Variants in APTX observed in about 807,000 individuals in gnomAD.
The protein encoded by APTX is forkhead-associated domain histidine triad-like protein.
Under a neutral mutation model 42.3 loss-of-function variants are expected in APTX, and 33 were observed. The observed-to-expected ratio is 0.78, with a 90% CI of 0.59 to 1.04. The LOEUF (loss-of-function observed/expected upper bound fraction) is 1.04, where lower values mean the gene tolerates loss of function less well. Ranked by LOEUF, APTX falls within the 50% of genes least tolerant of loss-of-function variation. The pLI, the probability that APTX is intolerant of heterozygous loss-of-function variation, is 0.00. For missense variants in APTX, 421 were observed against 415.1 expected (o/e 1.01, Z -0.12); for synonymous variants, 130 against 146.7 (o/e 0.89, Z 0.82).
At chr9:32,987,985 C>G in intron 3 of APTX, 98 bp downstream of exon 3, 3 of 1,511,010 alleles carry the variant, frequency 2.0e-6, no homozygotes, top group Non-Finnish European at 1.8e-6. Context: ...CACTTCCATA[C>G]ATGACAGAGA....
At chr9:33,001,933 C>T (rs567787124), upstream of APTX, among the ~76,000 whole-genome samples, 27 of 152,190 alleles carry the variant, frequency 1.8e-4, no homozygotes, top group Non-Finnish European at 3.8e-4. Context: ...TCTCGATACT[C>T]CATAAGGAGA....
At position 32,977,843 on chromosome 9, in the gene APTX, G is replaced by GA. The variant is rs796569258; in HGVS notation, c.771-3283dup. On this transcript the variant is annotated intron_variant, in intron 6 of 7. Coordinates refer to ENST00000379817, the MANE Select transcript of APTX (RefSeq NM_001195248.2). ...GAGACTCTGTCTCAAAAAAGAAAAA[G>GA]AAAAAAAAAACGGAAACAGATACCA... Among the ~76,000 whole-genome samples the GA allele has an allele frequency of 7.0e-3, 1,000 of 142,070 alleles. 8 individuals carry two copies. Among genetic ancestry groups the GA allele is most frequent in the African/African-American group, 0.023 (908 of 38,798 alleles). The allele number at this position is 142,070 out of a possible 152,430, so 93.2% of individuals were successfully genotyped here.
At chr9:32,990,849 T>C (rs1423241813) in intron 1 of APTX, among the ~76,000 whole-genome samples, 1 of 152,220 alleles carries the variant, frequency 6.6e-6, no homozygotes. Context: ...TGTCATGACA[T>C]ACTGATGTTA....
chr9:33,021,475 G>C (rs1838378394), intron 1 of APTX, among the ~76,000 whole-genome samples: 1 of 152,106 alleles, frequency 6.6e-6, no homozygotes, highest in Non-Finnish European at 1.5e-5. Context: ...ATTCTAAAAA[G>C]CAAGAACAAT....
intron 1 of APTX, among the ~76,000 whole-genome samples, chr9:33,018,571 A>G (rs986496432): frequency 4.5e-4 from 6 of 13,482 alleles, no homozygotes; most frequent in African/African-American, 8.2e-4. Flanking sequence ...TTCGTCTCAG[A>G]AAAAAAAAAA....
rs757024846 is a variant in APTX at position 32,974,581 on chromosome 9, A to C, written c.771-20T>G. On this transcript the variant is annotated intron_variant, in intron 6 of 7. Transcript: ENST00000379817. ...ACATGGCTAGTTGAAAGAAAAAAAA[A>C]CTGAGCATTAAACTCTTTAACAACT... 1 of 1,436,850 alleles carries C rather than the reference A, an allele frequency of 7.0e-7. No individual in the cohort carries two copies. The allele number at this position is 1,436,850 out of a possible 1,614,324, so 89.0% of individuals were successfully genotyped here. A position where few individuals can be genotyped will look rare whatever the true frequency, so the allele number is the denominator to read the frequency against.
upstream of APTX, among the ~76,000 whole-genome samples, chr9:33,006,420 T>C (rs934847279): frequency 6.6e-6 from 1 of 152,168 alleles, no homozygotes; most frequent in Non-Finnish European, 1.5e-5. Context: ...CTCACTTATA[T>C]AACCTGTCTG....
chr9:33,017,268 T>C (rs1026690145), intron 1 of APTX, among the ~76,000 whole-genome samples: 3 of 152,254 alleles, frequency 2.0e-5, no homozygotes, highest in Non-Finnish European at 2.9e-5. Flanking sequence ...AGACTGGCTA[T>C]GAATCGGGGT....
intron 1 of APTX, among the ~76,000 whole-genome samples, chr9:33,008,041 ACTC>A (rs1264539633): frequency 6.6e-6 from 1 of 151,544 alleles, no homozygotes; most frequent in African/African-American, 2.4e-5. Flanking sequence ...AACCTAATGC[ACTC>A]CTCCTATTTT....
intron 6 of APTX, among the ~76,000 whole-genome samples, chr9:32,983,041 C>G (rs975631370): frequency 6.6e-6 from 1 of 151,922 alleles, no homozygotes; most frequent in Non-Finnish European, 1.5e-5. Flanking sequence ...ACCTCCTGGG[C>G]TCAAGTGATC....
chr9:33,013,607 C>T (rs1402147140), intron 1 of APTX, among the ~76,000 whole-genome samples: 1 of 152,144 alleles, frequency 6.6e-6, no homozygotes, highest in Non-Finnish European at 1.5e-5. Flanking sequence ...GAGATCGAGA[C>T]CATCCTGGCT....
Position 32,972,907 on chromosome 9 carries a change from T to C in APTX, c.*591A>G. On this transcript the variant is annotated 3_prime_UTR_variant, in exon 8 of 8. Coordinates refer to ENST00000379817, the MANE Select transcript of APTX (RefSeq NM_001195248.2). ...ACCCCCCACACCATCATCTAGCCTC[T>C]TTTCTCACTGTGAAGAACTGATGAG... 1 of 454,108 alleles carries C rather than the reference T, an allele frequency of 2.2e-6. No individual in the cohort carries two copies. The highest frequency in any genetic ancestry group is 4.4e-6 in the Non-Finnish European group (1 of 226,784). 28.1% of individuals were successfully genotyped at this position (454,108 alleles called of 1,614,324 possible).
chr9:33,019,718 G>A (rs960610825), intron 1 of APTX: 8 of 522,906 alleles, frequency 1.5e-5, no homozygotes, highest in Non-Finnish European at 2.6e-5. Context: ...GGAAACTGGG[G>A]GCCCAAAGTG....
Position 33,015,599 on chromosome 9 carries a change from T to C in APTX, c.-5+9424A>G, listed in dbSNP as rs1319790996. On this transcript the variant is annotated intron_variant, in intron 1 of 6. Transcript: ENST00000436040. ...GCCTTGAACTCCTGATCTCATGATC[T>C]GCCTGCCTCAGTCTCCCAAAGTGCT... 2.0e-5 allele frequency among the ~76,000 whole-genome samples: 3 copies of C among 152,284 alleles called. No homozygotes were observed. In the East Asian group the frequency reaches 5.8e-4, roughly 29 times the overall value.
Position 32,977,864 on chromosome 9 carries a change from T to C in APTX, c.771-3303A>G, listed in dbSNP as rs1829815398. The stretch of plus-strand genomic sequence containing the variant: ...AAAAGAAAAAAAAAACGGAAACAGA[T>C]ACCATATAATTATCATATGGTCTCT... On this transcript the variant is annotated intron_variant, in intron 6 of 7. Transcript: ENST00000379817. Among the ~76,000 whole-genome samples, 3 of 151,808 alleles carry C rather than the reference T, an allele frequency of 2.0e-5. No homozygotes were observed. In the South Asian group the frequency reaches 6.2e-4, roughly 31 times the overall value.
chr9:32,999,824 A>C (rs1835835598), intron 1 of APTX, among the ~76,000 whole-genome samples: 1 of 152,134 alleles, frequency 6.6e-6, no homozygotes. Context: ...AAAATACAAA[A>C]AATTAGCCGG....
intron 1 of APTX, among the ~76,000 whole-genome samples, chr9:32,993,256 G>A (rs1276380956): frequency 6.6e-6 from 1 of 152,202 alleles, no homozygotes; most frequent in Non-Finnish European, 1.5e-5. Flanking sequence ...CTGAGAAGCT[G>A]AAGTAGTGAC....
intron 1 of APTX, chr9:33,001,299 T>C (rs1563991812): frequency 6.7e-7 from 1 of 1,493,282 alleles, no homozygotes; most frequent in Non-Finnish European, 8.9e-7. Flanking sequence ...TTCTCTAATA[T>C]TTTTTCGGCT....
intron 1 of APTX, among the ~76,000 whole-genome samples, chr9:32,990,928 A>C (rs1587501615): frequency 1.3e-5 from 2 of 150,428 alleles, no homozygotes; most frequent in African/African-American, 4.9e-5. Flanking sequence ...CAATTTCTTT[A>C]CTTTTTTTTT....
Sources: allele counts gnomAD v4.1 joint callset (sites outside exome capture counted in the v4.1 genomes callset), GRCh38; gene constraint gnomAD v4.1.1; transcripts MANE v1.5; gene names NCBI Gene and HGNC (gene_info 2026-07-23, HGNC 2026-07-21).